The following ELAPOR2 variants were observed in gnomAD, a reference collection of about 807,000 sequenced individuals.
ELAPOR2 encodes endosome/lysosome-associated apoptosis and autophagy regulator family member 2.
ELAPOR2 carries 89 observed loss-of-function variants against 120.7 expected under a neutral mutation model. That is an observed-to-expected ratio of 0.74 (90% CI 0.62 to 0.88). The LOEUF (loss-of-function observed/expected upper bound fraction) is 0.88, where lower values mean the gene tolerates loss of function less well. Ranked by LOEUF, ELAPOR2 falls within the 40% of genes least tolerant of loss-of-function variation. The pLI is 0.00. For missense variants in ELAPOR2, 1,134 were observed against 1,251.6 expected, an observed-to-expected ratio of 0.91 and a Z score of 1.42; for synonymous variants, 444 against 444.9, an observed-to-expected ratio of 1.00 and a Z score of 0.03.
intron 18 of ELAPOR2, among the ~76,000 whole-genome samples, chr7:86,905,267 T>A (rs1788955351): frequency 7.1e-6 from 1 of 140,180 alleles, no homozygotes; most frequent in Non-Finnish European, 1.5e-5. Context: ...AACTGGGCTA[T>A]GTTGACTTTT....
chr7:86,937,970 C>A (rs1790636266), intron 8 of ELAPOR2, among the ~76,000 whole-genome samples, 156 bp downstream of exon 8: 1 of 151,986 alleles, frequency 6.6e-6, no homozygotes, highest in African/African-American at 2.4e-5. Flanking sequence ...AAATTCAAAG[C>A]CAGGAAGGCA....
chr7:86,918,947 G>A (rs373340832), intron 11 of ELAPOR2, among the ~76,000 whole-genome samples: 10 of 152,058 alleles, frequency 6.6e-5, no homozygotes, highest in East Asian at 1.9e-4. Context: ...TCTTCATTAA[G>A]CATCCAAGAA....
At chr7:86,981,988 C>T (rs1040754022) in intron 1 of ELAPOR2, among the ~76,000 whole-genome samples, 12 of 152,380 alleles carry the variant, frequency 7.9e-5, no homozygotes, top group South Asian at 6.2e-4. Context: ...TCTTAGCAAA[C>T]GGCAAGCCAA....
At chr7:86,905,264 C>T (rs1396992372) in intron 18 of ELAPOR2, among the ~76,000 whole-genome samples, 1 of 140,390 alleles carries the variant, frequency 7.1e-6, no homozygotes, top group Non-Finnish European at 1.5e-5. Context: ...AGAAACTGGG[C>T]TATGTTGACT....
intron 1 of ELAPOR2, among the ~76,000 whole-genome samples, chr7:86,967,157 T>G (rs564235666): frequency 2.0e-5 from 3 of 152,174 alleles, no homozygotes; most frequent in Admixed American, 1.3e-4. Flanking sequence ...TCCTTGTTAT[T>G]TGTATTAGAA....
In ELAPOR2 at chr7:87,056,348, G is replaced by T. The variant is rs185091355; in HGVS notation, c.189+2977C>A. 1.1e-3 allele frequency among the ~76,000 whole-genome samples: 159 copies of T among 151,328 alleles called. 2 individuals are homozygous for T. Among genetic ancestry groups the T allele is most frequent in the Admixed American group, 8.8e-3 (134 of 15,252 alleles). Reference sequence around the variant, plus strand: ...TGAAACACAGGCCAAGAAACCCAAAGAAGATTTACCTTTTATAAGTTCACC... The same window carrying T: ...TGAAACACAGGCCAAGAAACCCAAATAAGATTTACCTTTTATAAGTTCACC... On this transcript the variant is annotated intron_variant, in intron 1 of 21. Transcript: ENST00000450689.
Position 86,907,731 on chromosome 7 carries a change from T to C in ELAPOR2, c.2497A>G (p.Thr833Ala). 1.3e-6 allele frequency: 2 copies of C among 1,577,386 alleles called. No individual in the cohort carries two copies. The highest frequency in any genetic ancestry group is 1.7e-6 in the Non-Finnish European group (2 of 1,168,516). ...ATTSCINGRS[T>A]AVKMRCNPTK... ...GGATTACACCTCATTTTCACAGCAG[T>C]TGATCGGCCATTAATACAAGATGTT... is the stretch of plus-strand genomic sequence containing the variant. Residue 833 changes from threonine (T) to alanine (A), a missense_variant, in exon 18 of 22, where the codon ACT (threonine) becomes GCT (alanine). Thr to Ala is a moderately conservative substitution (Grantham distance 58, BLOSUM62 0). Transcript: ENST00000450689.
At chr7:86,884,214 T>C (rs527607762) in intron 21 of ELAPOR2, among the ~76,000 whole-genome samples, 1 of 152,160 alleles carries the variant, frequency 6.6e-6, no homozygotes, top group Admixed American at 6.6e-5. Flanking sequence ...AAAACTTTTT[T>C]ATACTCTAAT....
At chr7:86,994,058 C>T (rs1173666476) in intron 1 of ELAPOR2, among the ~76,000 whole-genome samples, 1 of 152,140 alleles carries the variant, frequency 6.6e-6, no homozygotes, top group Non-Finnish European at 1.5e-5. Flanking sequence ...ATATTCCTGG[C>T]CAAATTTTAA....
At chr7:86,943,428 A>G (rs922449801) in intron 4 of ELAPOR2, among the ~76,000 whole-genome samples, 3 of 151,988 alleles carry the variant, frequency 2.0e-5, no homozygotes, top group African/African-American at 4.8e-5. Flanking sequence ...ATCTACAAAC[A>G]CTTTCTTTCC....
chr7:86,980,114 G>A (rs1225006993), intron 1 of ELAPOR2, among the ~76,000 whole-genome samples: 2 of 152,160 alleles, frequency 1.3e-5, no homozygotes, highest in Admixed American at 1.3e-4. Flanking sequence ...TTATACTATT[G>A]TCGGTTGGAA....
At chr7:87,051,285 C>T (rs1015719852) in intron 1 of ELAPOR2, among the ~76,000 whole-genome samples, 4 of 152,072 alleles carry the variant, frequency 2.6e-5, no homozygotes, top group African/African-American at 7.2e-5. Context: ...GTTTGGGGTG[C>T]TTGAAGCCAA....
At chr7:86,906,927 T>C (rs1789048795) in intron 18 of ELAPOR2, among the ~76,000 whole-genome samples, 1 of 151,964 alleles carries the variant, frequency 6.6e-6, no homozygotes, top group Non-Finnish European at 1.5e-5. Flanking sequence ...ATAATCTTCA[T>C]GTTGAAAAAT....
At position 86,883,026 on chromosome 7, in the gene ELAPOR2, GTGT is replaced by G. The variant is rs1562893995; in HGVS notation, c.3031-2499_3031-2497del. Among the ~76,000 whole-genome samples, 283 of 114,954 alleles carry G rather than the reference GTGT, an allele frequency of 2.5e-3. 2 individuals are homozygous for G. The highest frequency in any genetic ancestry group is 0.011 in the African/African-American group (278 of 24,324). The allele number at this position is 114,954 out of a possible 152,430, so 75.4% of individuals were successfully genotyped here. A position where few individuals can be genotyped will look rare whatever the true frequency, so the allele number is the denominator to read the frequency against. ...TACTGGATGATCGTTTGAAAGGGGT[GTGT>G]GTGTGTGTGTGTGTGTGTGTGTGTG... On this transcript the variant is annotated intron_variant, in intron 21 of 21. Coordinates refer to ENST00000450689, the MANE Select transcript of ELAPOR2 (RefSeq NM_001142749.3).
chr7:87,028,097 T>A (rs753422212), intron 1 of ELAPOR2, among the ~76,000 whole-genome samples: 1 of 152,150 alleles, frequency 6.6e-6, no homozygotes, highest in East Asian at 1.9e-4. Context: ...TCTTACCAAG[T>A]AACTATTTTC....
At chr7:86,946,023 CA>C (rs1374213744) in intron 3 of ELAPOR2, among the ~76,000 whole-genome samples, 1 of 150,712 alleles carries the variant, frequency 6.6e-6, no homozygotes, top group South Asian at 2.1e-4. Context: ...ATCAAATGAC[CA>C]AAAAAAAGTA....
In ELAPOR2 at chr7:87,047,789, G is replaced by A. The variant is rs186078271; in HGVS notation, c.189+11536C>T. Among the ~76,000 whole-genome samples the A allele has an allele frequency of 2.0e-5, 3 of 152,238 alleles. No individual in the cohort carries two copies. The East Asian group carries it at 5.8e-4, about 29-fold the overall frequency. ...GTTTCCTCACAAAACTAAAAATAGAGCTACCACATAAACCAGCAATCCCAC... is the reference window on the plus strand; with the variant it reads ...GTTTCCTCACAAAACTAAAAATAGAACTACCACATAAACCAGCAATCCCAC... On this transcript the variant is annotated intron_variant, in intron 1 of 21. Transcript: ENST00000450689.
chr7:86,893,244 G>C lies in ELAPOR2; in HGVS notation c.2686-144C>G, dbSNP rs1189773322. The C allele has an allele frequency of 1.1e-5, 6 of 560,682 alleles. No individual in the cohort carries two copies. The Admixed American group carries it at 1.6e-4, about 15-fold the overall frequency. The allele number at this position is 560,682 out of a possible 1,614,324, so 34.7% of individuals were successfully genotyped here. A position where few individuals can be genotyped will look rare whatever the true frequency, so the allele number is the denominator to read the frequency against. On this transcript the variant is annotated intron_variant, in intron 19 of 21. Coordinates refer to ENST00000450689, the MANE Select transcript of ELAPOR2 (RefSeq NM_001142749.3). ...ACCCTTTACTTACAGTAGGCATAGAGGATTATTCAGCATTCATTTAATAAA... is the reference window on the plus strand; with the variant it reads ...ACCCTTTACTTACAGTAGGCATAGACGATTATTCAGCATTCATTTAATAAA...
chr7:87,035,505 C>T (rs1794559307), intron 1 of ELAPOR2, among the ~76,000 whole-genome samples: 2 of 152,232 alleles, frequency 1.3e-5, no homozygotes, highest in Non-Finnish European at 2.9e-5. Context: ...CAAGTCTACT[C>T]TAAGCTAAAC....
Sources: gnomAD v4.1 joint callset for allele counts (sites outside exome capture counted in the v4.1 genomes callset) on GRCh38, gnomAD v4.1.1 for gene constraint, MANE v1.5 for transcripts, NCBI Gene and HGNC (gene_info 2026-07-23, HGNC 2026-07-21) for gene names.